GABRA3: variants seen among roughly 807,000 people sequenced by gnomAD.
GABRA3 encodes gamma-aminobutyric acid receptor subunit alpha-3.
Under a neutral mutation model 30.1 loss-of-function variants are expected in GABRA3, and 10 were observed. The observed-to-expected ratio is 0.33, with a 90% CI of 0.20 to 0.56. GABRA3 has a LOEUF of 0.56. Among genes scored for constraint, GABRA3 ranks in the 20% least tolerant of loss-of-function variants. GABRA3 has a pLI of 0.89. For missense variants in GABRA3, 233 were observed against 392.0 expected, an observed-to-expected ratio of 0.59 and a Z score of 3.42; for synonymous variants, 151 against 146.8, an observed-to-expected ratio of 1.03 and a Z score of -0.21.
intron 1 of GABRA3, among the ~76,000 whole-genome samples, chrX:152,420,443 TA>T (rs1412236227): frequency 2.2e-4 from 25 of 111,535 alleles, no homozygotes; most frequent in African/African-American, 8.1e-4. Flanking sequence ...ATATTTTAAA[TA>T]CCACAAAAAA....
At chrX:152,287,142 A>G (rs1029473628) in intron 3 of GABRA3, among the ~76,000 whole-genome samples, 1 of 112,416 alleles carries the variant, frequency 8.9e-6, no homozygotes. Flanking sequence ...TTTGAATCCA[A>G]TATTTTAGGC....
intron 3 of GABRA3, among the ~76,000 whole-genome samples, chrX:152,320,818 G>T (rs1203596841): frequency 1.8e-5 from 2 of 111,957 alleles, no homozygotes; most frequent in Non-Finnish European, 3.8e-5. Flanking sequence ...CCTTGATTTG[G>T]TCTTTCTTAA....
At chrX:152,244,089 C>A (rs1449212797) in intron 5 of GABRA3, among the ~76,000 whole-genome samples, 1 of 112,031 alleles carries the variant, frequency 8.9e-6, no homozygotes, top group African/African-American at 3.2e-5. Flanking sequence ...CCAGTATTTA[C>A]TTTGCATTTA....
chrX:152,259,789 G>T (rs1938696967), intron 4 of GABRA3, among the ~76,000 whole-genome samples: 1 of 111,205 alleles, frequency 9.0e-6, no homozygotes, highest in Non-Finnish European at 1.9e-5. Flanking sequence ...CTAGCTTCAG[G>T]TGAGACTCAG....
At chrX:152,342,936 A>T (rs2124480405) in intron 3 of GABRA3, among the ~76,000 whole-genome samples, 1 of 111,469 alleles carries the variant, frequency 9.0e-6, no homozygotes, top group East Asian at 2.8e-4. Flanking sequence ...CCAAACCCTG[A>T]TGTTTTACCC....
At chrX:152,264,070 G>T (rs1938778541) in intron 4 of GABRA3, among the ~76,000 whole-genome samples, 1 of 111,478 alleles carries the variant, frequency 9.0e-6, no homozygotes, top group Admixed American at 9.5e-5. Context: ...CTGCCCTATA[G>T]GAAATGCTAA....
At chrX:152,180,368 A>T (rs1372284941) in intron 9 of GABRA3, among the ~76,000 whole-genome samples, 1 of 112,131 alleles carries the variant, frequency 8.9e-6, no homozygotes, top group Non-Finnish European at 1.9e-5. Flanking sequence ...TGCCTATTCA[A>T]GTCCTTTGTG....
chrX:152,293,048 C>T (rs1477412131), intron 3 of GABRA3, among the ~76,000 whole-genome samples: 1 of 111,230 alleles, frequency 9.0e-6, no homozygotes, highest in Non-Finnish European at 1.9e-5. Context: ...GTGGAGAGTT[C>T]TGTAGATGTC....
intron 1 of GABRA3, among the ~76,000 whole-genome samples, chrX:152,395,557 C>T: frequency 9.0e-6 from 1 of 111,700 alleles, no homozygotes; most frequent in Middle Eastern, 4.6e-3. Flanking sequence ...GATAAGATGA[C>T]AGTGGTGCAA....
At chrX:152,358,754 T>C (rs1290661306) in intron 2 of GABRA3, among the ~76,000 whole-genome samples, 2 of 111,326 alleles carry the variant, frequency 1.8e-5, no homozygotes, top group African/African-American at 3.3e-5. Flanking sequence ...ATACCTGTAG[T>C]CCTTCATTTT....
At chrX:152,425,931 C>A (rs985616587) in intron 1 of GABRA3, among the ~76,000 whole-genome samples, 28 of 111,200 alleles carry the variant, frequency 2.5e-4, no homozygotes, top group African/African-American at 8.5e-4. Context: ...TAAATAGTAT[C>A]TTTTTAGAAA....
At chrX:152,181,588 G>A (rs1937148205) in intron 9 of GABRA3, among the ~76,000 whole-genome samples, 1 of 109,807 alleles carries the variant, frequency 9.1e-6, no homozygotes, top group Admixed American at 9.9e-5. Flanking sequence ...ACCAAACGCT[G>A]CATATTCTCA....
At chrX:152,402,139 AAC>A (rs1166450316) in intron 1 of GABRA3, among the ~76,000 whole-genome samples, 8 of 112,341 alleles carry the variant, frequency 7.1e-5, no homozygotes, top group African/African-American at 2.3e-4. Context: ...CAAATGAAGA[AAC>A]ACAATAGTAC....
chrX:152,227,227 T>C (rs1439797812), intron 5 of GABRA3, among the ~76,000 whole-genome samples: 3 of 108,002 alleles, frequency 2.8e-5, no homozygotes, highest in African/African-American at 6.8e-5. Flanking sequence ...TTCATTTCCT[T>C]TGTAGGGACA....
intron 3 of GABRA3, among the ~76,000 whole-genome samples, chrX:152,302,990 CT>C (rs1290562276): frequency 8.9e-6 from 1 of 111,826 alleles, no homozygotes; most frequent in Non-Finnish European, 1.9e-5. Flanking sequence ...TGATGGAGAC[CT>C]ACATTGACTC....
chrX:152,286,281 C>A (rs757831958), intron 3 of GABRA3, among the ~76,000 whole-genome samples: 2 of 108,720 alleles, frequency 1.8e-5, no homozygotes, highest in African/African-American at 6.7e-5. Flanking sequence ...CCTACTTACC[C>A]CCACTGCAGC....
intron 3 of GABRA3, among the ~76,000 whole-genome samples, chrX:152,293,723 A>C (rs759579971): frequency 1.8e-5 from 2 of 111,600 alleles, no homozygotes; most frequent in South Asian, 7.6e-4. Context: ...CCTAGCATCA[A>C]TTGTCTTTAC....
intron 2 of GABRA3, among the ~76,000 whole-genome samples, chrX:152,361,878 T>G (rs1473236996): frequency 8.9e-6 from 1 of 112,167 alleles, no homozygotes; most frequent in Non-Finnish European, 1.9e-5. Flanking sequence ...ATGCAATACA[T>G]TTTTAGAAAA....
intron 1 of GABRA3, among the ~76,000 whole-genome samples, chrX:152,379,366 G>A (rs1337455170): frequency 9.0e-6 from 1 of 111,252 alleles, no homozygotes; most frequent in Non-Finnish European, 1.9e-5. Context: ...ATAACTCATG[G>A]TGAAATAAAA....
Sources: allele counts gnomAD v4.1 joint callset (sites outside exome capture counted in the v4.1 genomes callset), GRCh38; gene constraint gnomAD v4.1.1; transcripts MANE v1.5; gene names NCBI Gene and HGNC (gene_info 2026-07-23, HGNC 2026-07-21).